DIPK1C: variants seen among roughly 807,000 people sequenced by gnomAD.
DIPK1C encodes familial non-conventional Alzheimer's dementia.
A neutral mutation model predicts 28.0 loss-of-function variants in DIPK1C; 33 were observed. That is an observed-to-expected ratio of 1.18 (90% CI 0.89 to 1.58). The LOEUF (loss-of-function observed/expected upper bound fraction) is 1.58. Among genes scored for constraint, DIPK1C ranks in the 40% most tolerant of loss-of-function variants. The pLI is 0.00. For missense variants in DIPK1C, 569 were observed against 568.5 expected (o/e 1.00, Z -0.01); for synonymous variants, 255 against 248.8 (o/e 1.02, Z -0.23).
rs904029557 is a variant in DIPK1C at position 74,443,852 on chromosome 18, C to G, written c.877-1736G>C. On this transcript the variant is annotated intron_variant, in intron 2 of 3. Coordinates refer to ENST00000343998, the MANE Select transcript of DIPK1C (RefSeq NM_001044369.3). Reference sequence around the variant, plus strand: ...TCTTCTATTCTTTCTATGGTTTCTGCCGATCTCCCCAGCCTCCCCTGGGCC... The same window carrying G: ...TCTTCTATTCTTTCTATGGTTTCTGGCGATCTCCCCAGCCTCCCCTGGGCC... 2.0e-5 allele frequency among the ~76,000 whole-genome samples: 3 copies of G among 152,140 alleles called. No homozygotes were observed. In the East Asian group the frequency reaches 5.8e-4, roughly 29 times the overall value.
chr18:74,442,330 CTTTTTTT>C (rs113419163), intron 2 of DIPK1C, among the ~76,000 whole-genome samples: 1 of 150,768 alleles, frequency 6.6e-6, no homozygotes, highest in African/African-American at 2.4e-5. Context: ...TTTTCTTTTT[CTTTTTTT>C]TTTTTAATTG....
the DIPK1C span, among the ~76,000 whole-genome samples, chr18:74,464,456 TC>T: frequency 6.6e-6 from 1 of 152,102 alleles, no homozygotes; most frequent in Non-Finnish European, 1.5e-5. Flanking sequence ...AGGCACATCC[TC>T]CCCCACATCA....
intron 2 of DIPK1C, 22 bp from the exon 3 acceptor site, chr18:74,442,138 G>A: frequency 6.2e-7 from 1 of 1,612,636 alleles, no homozygotes. Context: ...ACAGCACGGG[G>A]CTATCAAAGG....
chr18:74,457,014 C>T (rs1182839193), intron 1 of DIPK1C, 48 bp downstream of exon 1: 2 of 1,369,892 alleles, frequency 1.5e-6, no homozygotes, highest in Non-Finnish European at 1.9e-6. Context: ...GGGTGTGATC[C>T]CCCCTCCCCG....
At chr18:74,442,480 C>T (rs964593812) in intron 2 of DIPK1C, among the ~76,000 whole-genome samples, 6 of 152,234 alleles carry the variant, frequency 3.9e-5, no homozygotes, top group South Asian at 2.1e-4. Flanking sequence ...AGGTGCCCAC[C>T]ACCACACCCG....
At chr18:74,458,475 A>G (rs1427035740), upstream of DIPK1C, among the ~76,000 whole-genome samples, 2 of 151,726 alleles carry the variant, frequency 1.3e-5, no homozygotes, top group African/African-American at 4.8e-5. Flanking sequence ...TCGCTGCTTT[A>G]ACTTTGTTTT....
intron 3 of DIPK1C, among the ~76,000 whole-genome samples, chr18:74,437,819 C>G (rs2144509830): frequency 6.6e-6 from 1 of 152,358 alleles, no homozygotes; most frequent in South Asian, 2.1e-4. Context: ...TTTCATTTTA[C>G]ACACAGGTAA....
chr18:74,463,256 C>T, the DIPK1C span, among the ~76,000 whole-genome samples: 1 of 152,158 alleles, frequency 6.6e-6, no homozygotes, highest in Admixed American at 6.5e-5. Flanking sequence ...AATGTCATAC[C>T]TCTAGAACCA....
At chr18:74,440,112 T>C (rs546633603) in intron 3 of DIPK1C, among the ~76,000 whole-genome samples, 1 of 152,212 alleles carries the variant, frequency 6.6e-6, no homozygotes, top group Admixed American at 6.5e-5. Context: ...GCCCGGCTAA[T>C]TTTTTGTATA....
At chr18:74,449,553 C>A (rs1221192697) in intron 1 of DIPK1C, among the ~76,000 whole-genome samples, 1 of 152,244 alleles carries the variant, frequency 6.6e-6, no homozygotes, top group African/African-American at 2.4e-5. Context: ...GCCCCCCTGG[C>A]TTCCTGCTGC....
At position 74,442,033 on chromosome 18, in the gene DIPK1C, G is replaced by C. The variant is rs1284582176; in HGVS notation, c.960C>G (p.Asp320Glu). 6.2e-7 allele frequency: 1 copy of C among 1,614,054 alleles called. No homozygotes were observed. The highest frequency in any genetic ancestry group is 8.5e-7 in the Non-Finnish European group (1 of 1,180,048). ...ILEQNCTGDE[D>E]CNFFDCFSRC... ...TTGAAAAACAGTCAAAGAAATTGCA[G>C]TCTTCATCTCCTGTGCAGTTTTGCT... Residue 320 changes from aspartate to glutamate, a missense_variant, in exon 3 of 4, where the codon GAC becomes GAG. Asp to Glu is a conservative substitution (Grantham distance 45). Transcript: ENST00000343998.
chr18:74,461,188 T>C (rs1346655174), upstream of DIPK1C, among the ~76,000 whole-genome samples: 1 of 152,186 alleles, frequency 6.6e-6, no homozygotes, highest in East Asian at 1.9e-4. Flanking sequence ...CTCCTCATCT[T>C]GCAGGCCTGA....
upstream of DIPK1C, among the ~76,000 whole-genome samples, chr18:74,458,666 C>A (rs1003666326): frequency 6.4e-5 from 1 of 15,580 alleles, no homozygotes; most frequent in African/African-American, 4.7e-4. Context: ...AGCGGTAAGG[C>A]CAGGTGAAGC....
chr18:74,441,790 G>C (rs540462511), intron 3 of DIPK1C, among the ~76,000 whole-genome samples, 162 bp downstream of exon 3: 1 of 152,062 alleles, frequency 6.6e-6, no homozygotes, highest in African/African-American at 2.4e-5. Flanking sequence ...CCAAGAGCAC[G>C]ATTGTCCCAT....
At chr18:74,462,766 A>G (rs1986636008), upstream of DIPK1C, among the ~76,000 whole-genome samples, 1 of 152,062 alleles carries the variant, frequency 6.6e-6, no homozygotes, top group African/African-American at 2.4e-5. Context: ...CCATATCCTC[A>G]TCAACACTTG....
At chr18:74,462,554 A>G (rs117646753), upstream of DIPK1C, among the ~76,000 whole-genome samples, 16 of 152,272 alleles carry the variant, frequency 1.1e-4, no homozygotes, top group East Asian at 2.9e-3. Context: ...GCTATTGTAC[A>G]CTGTGTACAC....
chr18:74,463,458 T>C, the DIPK1C span, among the ~76,000 whole-genome samples: 3 of 152,002 alleles, frequency 2.0e-5, no homozygotes, highest in Non-Finnish European at 2.9e-5. Context: ...TTCCTAACCG[T>C]TTTTTGGCCG....
At chr18:74,437,799 T>A (rs1439159995) in intron 3 of DIPK1C, among the ~76,000 whole-genome samples, 1 of 152,194 alleles carries the variant, frequency 6.6e-6, no homozygotes, top group African/African-American at 2.4e-5. Context: ...ACATACACAC[T>A]TCCTTTTCCT....
chr18:74,436,880 C>T (rs1986009884), intron 3 of DIPK1C, among the ~76,000 whole-genome samples, 161 bp from the exon 4 acceptor site: 1 of 151,244 alleles, frequency 6.6e-6, no homozygotes, highest in Non-Finnish European at 1.5e-5. Flanking sequence ...GGAAACATGC[C>T]TTCACTTCTG....
Sources: gnomAD v4.1 joint callset for allele counts (sites outside exome capture counted in the v4.1 genomes callset) on GRCh38, gnomAD v4.1.1 for gene constraint, MANE v1.5 for transcripts, NCBI Gene and HGNC (gene_info 2026-07-23, HGNC 2026-07-21) for gene names.